The following SLC24A3 variants were observed in gnomAD, a reference collection of about 807,000 sequenced individuals.
The protein encoded by SLC24A3 is solute carrier family 24 member 3.
SLC24A3 carries 28 observed loss-of-function variants against 75.8 expected under a neutral mutation model. The observed-to-expected ratio is 0.37, with a 90% CI of 0.27 to 0.51. The LOEUF (loss-of-function observed/expected upper bound fraction) is 0.51, where lower values mean the gene tolerates loss of function less well. Among genes scored for constraint, SLC24A3 ranks in the 20% least tolerant of loss-of-function variants. SLC24A3 has a pLI of 0.94. For synonymous variants in SLC24A3, 372 were observed against 334.1 expected (o/e 1.11, Z -1.24); for missense variants, 663 against 847.8 (o/e 0.78, Z 2.71).
At chr20:19,595,441 A>T (rs1020774970) in intron 6 of SLC24A3, among the ~76,000 whole-genome samples, 1 of 152,188 alleles carries the variant, frequency 6.6e-6, no homozygotes, top group Non-Finnish European at 1.5e-5. Flanking sequence ...AGCTGGCACA[A>T]ACGTGCTCAG....
At chr20:19,409,366 G>A (rs1362713147) in intron 2 of SLC24A3, among the ~76,000 whole-genome samples, 1 of 152,148 alleles carries the variant, frequency 6.6e-6, no homozygotes, top group African/African-American at 2.4e-5. Flanking sequence ...ACACTGAAGG[G>A]TCTAGAGGCA....
At chr20:19,239,827 C>A (rs1429493566) in intron 1 of SLC24A3, among the ~76,000 whole-genome samples, 2 of 152,174 alleles carry the variant, frequency 1.3e-5, no homozygotes, top group African/African-American at 2.4e-5. Context: ...TGCCTGGACA[C>A]AACCCAGGGG....
chr20:19,515,358 G>T, intron 2 of SLC24A3, 130 bp from the exon 3 acceptor site: 1 of 883,082 alleles, frequency 1.1e-6, no homozygotes, highest in Non-Finnish European at 1.8e-6. Flanking sequence ...TTAGTTTTGT[G>T]AACTTAAAGA....
At chr20:19,408,295 T>A (rs1012748399) in intron 2 of SLC24A3, among the ~76,000 whole-genome samples, 5 of 152,144 alleles carry the variant, frequency 3.3e-5, no homozygotes, top group East Asian at 1.9e-4. Context: ...ACATTTTTTT[T>A]AAATCTACAT....
intron 3 of SLC24A3, among the ~76,000 whole-genome samples, chr20:19,571,157 G>A (rs2031046100): frequency 6.6e-6 from 1 of 152,048 alleles, no homozygotes; most frequent in African/African-American, 2.4e-5. Context: ...ACTTCTCTGT[G>A]CCCCAGGTTC....
chr20:19,290,180 G>A (rs1983905493), intron 2 of SLC24A3, among the ~76,000 whole-genome samples: 1 of 152,178 alleles, frequency 6.6e-6, no homozygotes, highest in Non-Finnish European at 1.5e-5. Context: ...CCAGGGGCTT[G>A]TGAGGCACAC....
At chr20:19,396,808 C>T (rs781554874) in intron 2 of SLC24A3, among the ~76,000 whole-genome samples, 13 of 152,134 alleles carry the variant, frequency 8.5e-5, no homozygotes, top group East Asian at 3.9e-4. Context: ...TGTCAAATCA[C>T]GGTAATTAGT....
intron 2 of SLC24A3, among the ~76,000 whole-genome samples, chr20:19,482,583 A>G (rs1012645193): frequency 6.6e-6 from 1 of 152,244 alleles, no homozygotes; most frequent in Non-Finnish European, 1.5e-5. Context: ...CCCAGTGTCC[A>G]GCCATTGGCA....
At chr20:19,644,004 G>C (rs778994134) in intron 6 of SLC24A3, among the ~76,000 whole-genome samples, 20 of 152,140 alleles carry the variant, frequency 1.3e-4, no homozygotes, top group African/African-American at 4.8e-4. Flanking sequence ...GGAGAGCTTG[G>C]GGGGAGCAGG....
intron 3 of SLC24A3, among the ~76,000 whole-genome samples, chr20:19,540,325 G>A (rs2030473091): frequency 6.6e-6 from 1 of 152,148 alleles, no homozygotes; most frequent in Non-Finnish European, 1.5e-5. Flanking sequence ...CATCAGGAAG[G>A]GGAGAACAAG....
intron 8 of SLC24A3, among the ~76,000 whole-genome samples, chr20:19,668,735 AT>A (rs1324611615): frequency 6.6e-6 from 1 of 152,150 alleles, no homozygotes; most frequent in Non-Finnish European, 1.5e-5. Context: ...GTCAGGATTG[AT>A]TTTAGTAGCA....
chr20:19,307,073 AGGT>A (rs1361254265), intron 2 of SLC24A3, among the ~76,000 whole-genome samples: 1 of 152,096 alleles, frequency 6.6e-6, no homozygotes, highest in Non-Finnish European at 1.5e-5. Context: ...TCAGCATTCT[AGGT>A]GAAACTGAAA....
intron 8 of SLC24A3, among the ~76,000 whole-genome samples, chr20:19,672,954 A>T (rs565083104): frequency 6.6e-6 from 1 of 152,360 alleles, no homozygotes; most frequent in African/African-American, 2.4e-5. Context: ...CTAAAGCGAA[A>T]CCTGGAAAAC....
intron 3 of SLC24A3, among the ~76,000 whole-genome samples, chr20:19,534,409 T>TTTTTGTTTTGTTTTG (rs1555798607): frequency 9.3e-5 from 1 of 10,764 alleles, no homozygotes; most frequent in African/African-American, 2.6e-4. Context: ...TGTTGTTGTT[T>TTTTTGTTTTGTTTTG]TTTTGTTTTG....
intron 13 of SLC24A3, among the ~76,000 whole-genome samples, chr20:19,695,275 G>A (rs2032791478): frequency 6.6e-6 from 1 of 152,176 alleles, no homozygotes; most frequent in African/African-American, 2.4e-5. Context: ...GGAACTGTGA[G>A]AAGAATGTGC....
intron 2 of SLC24A3, among the ~76,000 whole-genome samples, chr20:19,495,623 G>A (rs1340318954): frequency 6.6e-6 from 1 of 152,174 alleles, no homozygotes; most frequent in Non-Finnish European, 1.5e-5. Flanking sequence ...AAATGTGTGT[G>A]GTCCATACCT....
At chr20:19,611,796 C>T (rs1410223101) in intron 6 of SLC24A3, among the ~76,000 whole-genome samples, 1 of 152,192 alleles carries the variant, frequency 6.6e-6, no homozygotes, top group Non-Finnish European at 1.5e-5. Flanking sequence ...AATCACTGCC[C>T]TTAGCAAGAG....
intron 2 of SLC24A3, among the ~76,000 whole-genome samples, chr20:19,313,021 T>C (rs1379860967): frequency 6.7e-6 from 1 of 149,204 alleles, no homozygotes; most frequent in Non-Finnish European, 1.5e-5. Context: ...TTCTTCCTTT[T>C]CTCTTGCTTT....
intron 3 of SLC24A3, among the ~76,000 whole-genome samples, chr20:19,517,969 C>T (rs2122560826): frequency 6.6e-6 from 1 of 152,316 alleles, no homozygotes; most frequent in African/African-American, 2.4e-5. Context: ...GCCCCTACCA[C>T]CAGAATGTAA....
Sources: allele counts gnomAD v4.1 joint callset (sites outside exome capture counted in the v4.1 genomes callset), GRCh38; gene constraint gnomAD v4.1.1; transcripts MANE v1.5; gene names NCBI Gene and HGNC (gene_info 2026-07-23, HGNC 2026-07-21).